Variants in DIAPH2 observed in about 807,000 individuals in gnomAD.
The protein encoded by DIAPH2 is diaphanous related formin 2.
Under a neutral mutation model 92.7 loss-of-function variants are expected in DIAPH2, and 35 were observed. The ratio of observed to expected loss-of-function variants is 0.38; its 90% CI spans 0.29 to 0.50. The LOEUF is 0.50. Among genes scored for constraint, DIAPH2 ranks in the 20% least tolerant of loss-of-function variants. The pLI is 0.94. For missense variants in DIAPH2, 701 were observed against 819.5 expected (o/e 0.86, Z 1.77); for synonymous variants, 301 against 280.4 (o/e 1.07, Z -0.73).
intron 26 of DIAPH2, among the ~76,000 whole-genome samples, chrX:97,543,237 G>T (rs547003393): frequency 8.9e-6 from 1 of 111,783 alleles, no homozygotes; most frequent in African/African-American, 3.3e-5. Context: ...CTTACATGGC[G>T]CATGTAATGT....
At chrX:96,998,312 T>G (rs2147853664) in intron 17 of DIAPH2, among the ~76,000 whole-genome samples, 1 of 111,693 alleles carries the variant, frequency 9.0e-6, no homozygotes, top group East Asian at 2.8e-4. Flanking sequence ...ACCTAAAATC[T>G]ATTTCATATT....
intron 25 of DIAPH2, among the ~76,000 whole-genome samples, chrX:97,427,597 T>C (rs5921819): frequency 0.054 from 6,040 of 112,120 alleles, 130 homozygotes; most frequent in African/African-American, 0.097. Flanking sequence ...TTTTTTTCTA[T>C]TGAAAAGAGC....
intron 4 of DIAPH2, among the ~76,000 whole-genome samples, chrX:96,856,688 G>A (rs2065042133): frequency 9.1e-6 from 1 of 110,289 alleles, no homozygotes; most frequent in Non-Finnish European, 1.9e-5. Context: ...AGTGTTTATT[G>A]AGTATCTGTG....
chrX:97,560,701 C>G (rs2071288228), intron 26 of DIAPH2, among the ~76,000 whole-genome samples: 1 of 112,227 alleles, frequency 8.9e-6, no homozygotes, highest in African/African-American at 3.2e-5. Context: ...CCATGTTGGC[C>G]AGGCTGGTCT....
intron 5 of DIAPH2, among the ~76,000 whole-genome samples, chrX:96,894,748 T>G (rs893368382): frequency 9.0e-6 from 1 of 110,967 alleles, no homozygotes; most frequent in East Asian, 2.8e-4. Context: ...TATCATTAAT[T>G]TTGGTTTCTG....
At chrX:97,287,782 C>G (rs1422255548) in intron 23 of DIAPH2, among the ~76,000 whole-genome samples, 31 of 103,824 alleles carry the variant, frequency 3.0e-4, no homozygotes, top group African/African-American at 9.8e-4. Context: ...CTTGGTGAAC[C>G]CTGTCTCTAC....
At chrX:97,529,459 A>G (rs1170596413) in intron 26 of DIAPH2, among the ~76,000 whole-genome samples, 2 of 112,428 alleles carry the variant, frequency 1.8e-5, no homozygotes, top group Non-Finnish European at 3.8e-5. Flanking sequence ...GTTCTAGGCA[A>G]TGTGCTAAGT....
chrX:96,916,417 G>GTT (rs56682273), intron 7 of DIAPH2, 21 bp from the exon 8 acceptor site: 29,288 of 843,354 alleles, frequency 0.035, 77 homozygotes, highest in African/African-American at 0.074. Flanking sequence ...CTGAATGAAG[G>GTT]TTTTTTTTTT....
chrX:96,766,602 C>A (rs972834117), intron 4 of DIAPH2, among the ~76,000 whole-genome samples: 6 of 111,249 alleles, frequency 5.4e-5, no homozygotes, highest in African/African-American at 2.0e-4. Flanking sequence ...ATAAAAAGGG[C>A]AGGTAGGAAA....
At chrX:96,809,505 T>C (rs970358441) in intron 4 of DIAPH2, among the ~76,000 whole-genome samples, 1 of 107,883 alleles carries the variant, frequency 9.3e-6, no homozygotes, top group African/African-American at 3.3e-5. Context: ...TCTTTTTTTT[T>C]CTTTCTTTCT....
chrX:97,495,402 T>G lies in DIAPH2; in HGVS notation c.3241+65657T>G, dbSNP rs186260971. ...CCTTTACTTAGATGAGCAATATAATTTAATGCAAGTTTGTCTATGGATTTC... is the reference window on the plus strand; with the variant it reads ...CCTTTACTTAGATGAGCAATATAATGTAATGCAAGTTTGTCTATGGATTTC... On this transcript the variant is annotated intron_variant, in intron 26 of 26. Coordinates refer to ENST00000324765, the MANE Select transcript of DIAPH2 (RefSeq NM_006729.5). Among the ~76,000 whole-genome samples, 3 of 112,126 alleles carry G rather than the reference T, an allele frequency of 2.7e-5. No homozygotes were observed. The East Asian group carries it at 8.4e-4, about 31-fold the overall frequency.
chrX:96,954,029 C>G (rs1039101645), intron 15 of DIAPH2: 2 of 111,621 alleles, frequency 1.8e-5, no homozygotes, highest in Non-Finnish European at 3.8e-5. Context: ...CAGAAGGTTT[C>G]ATGATAAATA....
At chrX:97,057,752 C>A (rs1265105319) in intron 17 of DIAPH2, among the ~76,000 whole-genome samples, 2 of 111,971 alleles carry the variant, frequency 1.8e-5, no homozygotes, top group Admixed American at 9.4e-5. Flanking sequence ...TAGGCTGCTG[C>A]TTCGGTGGCA....
chrX:97,424,828 T>C (rs2070045500), intron 25 of DIAPH2, among the ~76,000 whole-genome samples: 1 of 110,943 alleles, frequency 9.0e-6, no homozygotes, highest in Non-Finnish European at 1.9e-5. Context: ...TTTCACCATG[T>C]TGTCCAGGCC....
At chrX:96,792,874 A>G in intron 4 of DIAPH2, among the ~76,000 whole-genome samples, 1 of 111,919 alleles carries the variant, frequency 8.9e-6, no homozygotes. Flanking sequence ...TAAATTTTAG[A>G]TATTTTAAAA....
chrX:97,056,910 T>C (rs183728118), intron 17 of DIAPH2, among the ~76,000 whole-genome samples: 10 of 112,137 alleles, frequency 8.9e-5, no homozygotes, highest in African/African-American at 3.2e-4. Context: ...GAATCCCAGA[T>C]CTAATAGTCA....
At chrX:97,444,087 A>G (rs1007161776) in intron 26 of DIAPH2, among the ~76,000 whole-genome samples, 8 of 111,819 alleles carry the variant, frequency 7.2e-5, no homozygotes, top group Non-Finnish European at 1.3e-4. Flanking sequence ...TAAGGGTTTT[A>G]TTCAGTTCTA....
chrX:97,127,668 C>A (rs1201966866), intron 21 of DIAPH2, among the ~76,000 whole-genome samples: 6 of 112,440 alleles, frequency 5.3e-5, no homozygotes, highest in African/African-American at 1.6e-4. Flanking sequence ...CCTATAATTT[C>A]TTGTAGTAAC....
At chrX:96,853,747 C>T (rs952139233) in intron 4 of DIAPH2, among the ~76,000 whole-genome samples, 1 of 111,782 alleles carries the variant, frequency 8.9e-6, no homozygotes, top group African/African-American at 3.2e-5. Flanking sequence ...TTACTATTTA[C>T]TATTTCTCTT....
Sources: allele counts gnomAD v4.1 joint callset (sites outside exome capture counted in the v4.1 genomes callset), GRCh38; gene constraint gnomAD v4.1.1; transcripts MANE v1.5; gene names NCBI Gene and HGNC (gene_info 2026-07-23, HGNC 2026-07-21).